PLXDC2: variants seen among roughly 807,000 people sequenced by gnomAD.
PLXDC2 encodes the protein plexin domain containing 2.
Under a neutral mutation model 68.9 loss-of-function variants are expected in PLXDC2, and 40 were observed. The ratio of observed to expected loss-of-function variants is 0.58; its 90% CI spans 0.45 to 0.76. PLXDC2 has a LOEUF of 0.76. Among genes scored for constraint, PLXDC2 ranks in the 30% least tolerant of loss-of-function variants. The pLI is 0.00. For synonymous variants in PLXDC2, 243 were observed against 234.2 expected, an observed-to-expected ratio of 1.04 and a Z score of -0.34; for missense variants, 644 against 661.9, an observed-to-expected ratio of 0.97 and a Z score of 0.30.
chr10:20,229,712 A>T (rs575285445), intron 12 of PLXDC2, among the ~76,000 whole-genome samples: 1 of 152,242 alleles, frequency 6.6e-6, no homozygotes, highest in Non-Finnish European at 1.5e-5. Flanking sequence ...CTTTAGTTTT[A>T]TTCTTCAGAG....
At chr10:20,151,233 C>A (rs1834148582) in intron 6 of PLXDC2, among the ~76,000 whole-genome samples, 1 of 152,146 alleles carries the variant, frequency 6.6e-6, no homozygotes, top group African/African-American at 2.4e-5. Context: ...CCTGGCACTG[C>A]TGGAAAAATA....
At chr10:20,146,159 C>T (rs1279338653) in intron 5 of PLXDC2, among the ~76,000 whole-genome samples, 3 of 151,818 alleles carry the variant, frequency 2.0e-5, no homozygotes, top group East Asian at 1.9e-4. Context: ...CACCAGAGTG[C>T]GATAGAAACT....
chr10:20,229,517 CAAAAAAAA>C (rs58386547), intron 12 of PLXDC2, among the ~76,000 whole-genome samples: 2 of 105,666 alleles, frequency 1.9e-5, no homozygotes, highest in African/African-American at 3.6e-5. Context: ...CCACTTTAAG[CAAAAAAAA>C]AAAAAAAAAA....
At position 20,072,524 on chromosome 10, in the gene PLXDC2, A is replaced by AAAGAAAGAAAGAAAGAAAGG. The variant is rs1564304800; in HGVS notation, c.541+4304_541+4305insGAAGAAAGAAAGAAAGAAAG. Among the ~76,000 whole-genome samples the AAAGAAAGAAAGAAAGAAAGG allele has an allele frequency of 7.7e-5, 8 of 103,650 alleles. No individual in the cohort carries two copies. In the East Asian group the frequency reaches 1.8e-3, roughly 23 times the overall value. 68.0% of individuals were successfully genotyped at this position (103,650 alleles called of 152,430 possible). A position where few individuals can be genotyped will look rare whatever the true frequency, so the allele number is the denominator to read the frequency against. ...GAAAGAAAGAAAGAAAGAAAGAAAGAAAGAAAGAAAGAAAGAAAGAAAGAA... is the reference window on the plus strand; with the variant it reads ...GAAAGAAAGAAAGAAAGAAAGAAAGAAAGAAAGAAAGAAAGAAAGGAAGAAAGAAAGAAAGAAAGAAAGAA... On this transcript the variant is annotated intron_variant, in intron 4 of 13. Coordinates refer to ENST00000377252, the MANE Select transcript of PLXDC2 (RefSeq NM_032812.9).
chr10:20,272,446 A>G (rs1835952011), intron 13 of PLXDC2, among the ~76,000 whole-genome samples: 1 of 151,984 alleles, frequency 6.6e-6, no homozygotes, highest in Non-Finnish European at 1.5e-5. Context: ...GAAGTCAAAA[A>G]AGGAAAAAAA....
intron 1 of PLXDC2, among the ~76,000 whole-genome samples, chr10:19,867,394 A>G (rs1432171838): frequency 6.6e-6 from 1 of 152,136 alleles, no homozygotes; most frequent in African/African-American, 2.4e-5. Context: ...GGCCTATGTG[A>G]CAGGGCTCAG....
intron 9 of PLXDC2, among the ~76,000 whole-genome samples, chr10:20,203,062 T>G (rs565583329): frequency 6.6e-6 from 1 of 152,256 alleles, no homozygotes; most frequent in South Asian, 2.1e-4. Context: ...AGACTCAATA[T>G]TGTAGCTTCA....
intron 1 of PLXDC2, among the ~76,000 whole-genome samples, chr10:19,859,464 T>A (rs1389984683): frequency 6.6e-6 from 1 of 152,162 alleles, no homozygotes; most frequent in Non-Finnish European, 1.5e-5. Flanking sequence ...TCATATTACA[T>A]ATTGAAATTG....
At chr10:20,243,332 G>A (rs1490468517) in intron 12 of PLXDC2, among the ~76,000 whole-genome samples, 2 of 152,084 alleles carry the variant, frequency 1.3e-5, no homozygotes, top group Non-Finnish European at 2.9e-5. Flanking sequence ...TGTTGGTTTG[G>A]TACTTGCAAA....
Position 19,891,262 on chromosome 10 carries a change from T to C in PLXDC2, c.112+74071T>C, listed in dbSNP as rs186162236. Among the ~76,000 whole-genome samples, 22 of 152,354 alleles carry C rather than the reference T, an allele frequency of 1.4e-4. 1 individual carries two copies. Among genetic ancestry groups the C allele is most frequent in the African/African-American group, 5.0e-4 (21 of 41,596 alleles). On this transcript the variant is annotated intron_variant, in intron 1 of 13. Coordinates refer to ENST00000377252, the MANE Select transcript of PLXDC2 (RefSeq NM_032812.9). ...ATAGTAATACCAAAATGCAATATTATAGTGGTTTGTGTGTCACTCCATGTG... is the reference window on the plus strand; with the variant it reads ...ATAGTAATACCAAAATGCAATATTACAGTGGTTTGTGTGTCACTCCATGTG...
At chr10:20,111,267 A>C (rs1391149620) in intron 4 of PLXDC2, among the ~76,000 whole-genome samples, 1 of 152,136 alleles carries the variant, frequency 6.6e-6, no homozygotes, top group Non-Finnish European at 1.5e-5. Flanking sequence ...CTTTCACATC[A>C]GCTTATTAAT....
intron 13 of PLXDC2, among the ~76,000 whole-genome samples, chr10:20,253,831 G>A (rs930997737): frequency 4.6e-5 from 7 of 152,152 alleles, no homozygotes; most frequent in Non-Finnish European, 7.4e-5. Flanking sequence ...CAATATTAAC[G>A]TTTCAAAAGG....
At chr10:20,160,451 TG>T (rs1281288276) in intron 6 of PLXDC2, among the ~76,000 whole-genome samples, 1 of 152,196 alleles carries the variant, frequency 6.6e-6, no homozygotes, top group Non-Finnish European at 1.5e-5. Flanking sequence ...CATTTTAGTT[TG>T]TATCGTTGTT....
chr10:20,177,184 A>G (rs1834539277), intron 8 of PLXDC2, 90 bp downstream of exon 8: 1 of 1,355,240 alleles, frequency 7.4e-7, no homozygotes, highest in Non-Finnish European at 1.1e-6. Flanking sequence ...ATATTAAATA[A>G]TTACCATTAT....
intron 12 of PLXDC2, among the ~76,000 whole-genome samples, chr10:20,243,818 G>A (rs1477634275): frequency 1.3e-5 from 2 of 152,198 alleles, no homozygotes; most frequent in African/African-American, 4.8e-5. Flanking sequence ...CAGTACTTTG[G>A]GAGGCCGAGG....
rs575686470 is a variant in PLXDC2, at chr10:19,998,735, C to T, written c.113-3040C>T. Among the ~76,000 whole-genome samples, 11 of 152,050 alleles carry T rather than the reference C, an allele frequency of 7.2e-5. No individual in the cohort carries two copies. In the South Asian group the frequency reaches 2.3e-3, roughly 32 times the overall value. On this transcript the variant is annotated intron_variant, in intron 1 of 13. Coordinates refer to ENST00000377252, the MANE Select transcript of PLXDC2 (RefSeq NM_032812.9). The stretch of plus-strand genomic sequence containing the variant: ...AGGCACAGAGATGGAGGTTTGTCAA[C>T]ATTTGACTGTAACAGCTGTCAATGG...
chr10:20,044,215 T>TCTG (rs1564293880), intron 2 of PLXDC2, among the ~76,000 whole-genome samples: 18 of 6,776 alleles, frequency 2.7e-3, no homozygotes, highest in African/African-American at 0.012. Flanking sequence ...CTCTCTGTCT[T>TCTG]TCTTTCTTTC....
At chr10:19,979,815 T>G (rs757498328) in intron 1 of PLXDC2, among the ~76,000 whole-genome samples, 1 of 152,238 alleles carries the variant, frequency 6.6e-6, no homozygotes, top group Non-Finnish European at 1.5e-5. Context: ...GTGAGCTTCA[T>G]CTTCCCACTT....
At chr10:20,018,305 T>C (rs1835247548) in intron 2 of PLXDC2, among the ~76,000 whole-genome samples, 1 of 143,968 alleles carries the variant, frequency 6.9e-6, no homozygotes, top group Non-Finnish European at 1.5e-5. Context: ...CCATACTATG[T>C]TGAGTTGAAA....
Sources: allele counts gnomAD v4.1 joint callset (sites outside exome capture counted in the v4.1 genomes callset), GRCh38; gene constraint gnomAD v4.1.1; transcripts MANE v1.5; gene names NCBI Gene and HGNC (gene_info 2026-07-23, HGNC 2026-07-21).